CCDC178: variants seen among roughly 807,000 people sequenced by gnomAD.
CCDC178 encodes coiled-coil domain-containing protein 178.
Under a neutral mutation model 117.4 loss-of-function variants are expected in CCDC178, and 126 were observed. That is an observed-to-expected ratio of 1.07 (90% confidence interval 0.93 to 1.24). CCDC178 has a LOEUF of 1.24. CCDC178 is among the 50% of genes most tolerant of loss of function. The probability of loss-of-function intolerance (pLI) is 0.00; values close to 1 mark genes in which losing one functional copy is unlikely to be tolerated. For synonymous variants in CCDC178, 283 were observed against 313.4 expected (o/e 0.90, Z 1.02); for missense variants, 1,030 against 986.9 (o/e 1.04, Z -0.59).
rs1338601058 is a variant in CCDC178 at position 33,224,749 on chromosome 18, A to G, written c.1818+26T>C. The G allele has an allele frequency of 2.2e-6, 3 of 1,382,528 alleles. No individual in the cohort carries two copies. In the South Asian group the frequency reaches 4.7e-5, roughly 22 times the overall value. The allele number at this position is 1,382,528 out of a possible 1,614,324, so 85.6% of individuals were successfully genotyped here. On this transcript the variant is annotated intron_variant, in intron 17 of 22. Transcript: ENST00000383096. ...ACTAACGTATATATTTCTGCACATT[A>G]ATTTTTGGATTAATTAAATGCTTAC...
intron 10 of CCDC178, among the ~76,000 whole-genome samples, chr18:33,331,497 C>T (rs937258362): frequency 6.6e-6 from 1 of 151,922 alleles, no homozygotes; most frequent in Non-Finnish European, 1.5e-5. Context: ...TTCTAAACTT[C>T]CAGCAACCTA....
chr18:32,986,756 T>A (rs1325219983), intron 21 of CCDC178, among the ~76,000 whole-genome samples: 1 of 152,028 alleles, frequency 6.6e-6, no homozygotes, highest in African/African-American at 2.4e-5. Flanking sequence ...GCAATGCTAA[T>A]AAAATTATAA....
chr18:32,990,245 A>T (rs1297333878), intron 21 of CCDC178, among the ~76,000 whole-genome samples: 4 of 152,138 alleles, frequency 2.6e-5, no homozygotes, highest in Non-Finnish European at 5.9e-5. Flanking sequence ...CACTTTAGGG[A>T]ACTTAGGAAA....
intron 20 of CCDC178, among the ~76,000 whole-genome samples, chr18:33,139,026 G>A (rs990569151): frequency 2.6e-5 from 4 of 151,876 alleles, no homozygotes; most frequent in Admixed American, 2.6e-4. Flanking sequence ...CTCAGTGGGA[G>A]GTAATTGAAT....
At chr18:32,973,532 T>C (rs1008611041) in intron 22 of CCDC178, among the ~76,000 whole-genome samples, 5 of 152,078 alleles carry the variant, frequency 3.3e-5, no homozygotes, top group African/African-American at 1.2e-4. Flanking sequence ...TTAAATTTTT[T>C]CTTATAACCC....
chr18:33,056,182 T>C (rs1338793769), intron 21 of CCDC178, among the ~76,000 whole-genome samples: 1 of 152,154 alleles, frequency 6.6e-6, no homozygotes, highest in Non-Finnish European at 1.5e-5. Context: ...CTACATGTGA[T>C]TGAAATGTCA....
intron 7 of CCDC178, 66 bp from the exon 8 acceptor site, chr18:33,349,041 A>G: frequency 1.1e-6 from 1 of 902,778 alleles, no homozygotes; most frequent in Non-Finnish European, 1.7e-6. Context: ...ATTTTAGGTT[A>G]TGCTCTTCTA....
chr18:33,195,127 AAGAGAG>A (rs537974531), intron 20 of CCDC178, among the ~76,000 whole-genome samples: 2 of 143,134 alleles, frequency 1.4e-5, no homozygotes, highest in African/African-American at 2.8e-5. Context: ...TTAAAAAAAA[AAGAGAG>A]AGAGAGAGAG....
chr18:33,215,998 T>C (rs942796160), intron 18 of CCDC178, among the ~76,000 whole-genome samples: 1 of 151,902 alleles, frequency 6.6e-6, no homozygotes, highest in Non-Finnish European at 1.5e-5. Context: ...CTTGGGAGGC[T>C]GAGGTGGGAG....
intron 21 of CCDC178, among the ~76,000 whole-genome samples, chr18:32,993,659 G>T (rs1324864754): frequency 6.6e-6 from 1 of 152,138 alleles, no homozygotes; most frequent in Non-Finnish European, 1.5e-5. Flanking sequence ...CACAGATAGG[G>T]ATTAGTTTAT....
chr18:33,078,589 G>T (rs927159541), intron 21 of CCDC178, among the ~76,000 whole-genome samples: 2 of 152,046 alleles, frequency 1.3e-5, no homozygotes, highest in African/African-American at 4.8e-5. Flanking sequence ...AACATTTCAG[G>T]ATTAAAAATA....
In CCDC178 at chr18:33,154,738, A is replaced by C. The variant is rs181736914; in HGVS notation, c.2238+57158T>G. The stretch of plus-strand genomic sequence containing the variant: ...TACCATGCAGATGTCAGTGTAAAGA[A>C]TTCAATGTGTTTCTAAAATATCAGA... On this transcript the variant is annotated intron_variant, in intron 20 of 22. Transcript: ENST00000383096. Among the ~76,000 whole-genome samples the C allele has an allele frequency of 4.9e-3, 749 of 152,290 alleles. 3 individuals are homozygous for C. Among genetic ancestry groups the C allele is most frequent in the Middle Eastern group, 0.024 (7 of 294 alleles).
intron 20 of CCDC178, among the ~76,000 whole-genome samples, chr18:33,119,982 C>A (rs1267194316): frequency 2.0e-5 from 3 of 150,858 alleles, no homozygotes; most frequent in African/African-American, 7.3e-5. Flanking sequence ...GGGAACTGAA[C>A]AATGAGAACA....
At chr18:33,283,646 A>G (rs193205317) in intron 12 of CCDC178, among the ~76,000 whole-genome samples, 10 of 152,334 alleles carry the variant, frequency 6.6e-5, no homozygotes, top group Admixed American at 3.3e-4. Context: ...GTCTAAGCAT[A>G]TGAAAAAAAA....
At chr18:33,073,068 G>A (rs2057137780) in intron 21 of CCDC178, among the ~76,000 whole-genome samples, 1 of 151,746 alleles carries the variant, frequency 6.6e-6, no homozygotes, top group African/African-American at 2.4e-5. Flanking sequence ...TTATTTCTCA[G>A]TGCTCACTTC....
chr18:33,055,739 A>C (rs61117667), intron 21 of CCDC178, among the ~76,000 whole-genome samples: 3,955 of 152,168 alleles, frequency 0.026, 83 homozygotes, highest in East Asian at 0.1. Flanking sequence ...ATTATCTTCA[A>C]TTCTTTCTAC....
At chr18:33,284,351 G>T (rs1159541853) in intron 12 of CCDC178, among the ~76,000 whole-genome samples, 2 of 151,906 alleles carry the variant, frequency 1.3e-5, no homozygotes, top group Non-Finnish European at 2.9e-5. Context: ...ATGACATAAG[G>T]TTACCTATGT....
At chr18:32,990,401 A>G (rs994347389) in intron 21 of CCDC178, among the ~76,000 whole-genome samples, 1 of 152,136 alleles carries the variant, frequency 6.6e-6, no homozygotes, top group African/African-American at 2.4e-5. Flanking sequence ...TGGTATAAGA[A>G]TAGACGTAGT....
intron 22 of CCDC178, among the ~76,000 whole-genome samples, chr18:32,944,229 G>A (rs536297698): frequency 8.5e-5 from 13 of 152,328 alleles, no homozygotes; most frequent in Admixed American, 2.0e-4. Context: ...CTTCTGGCTG[G>A]AAGTTTAGGG....
Sources: allele counts gnomAD v4.1 joint callset (sites outside exome capture counted in the v4.1 genomes callset), GRCh38; gene constraint gnomAD v4.1.1; transcripts MANE v1.5; gene names NCBI Gene and HGNC (gene_info 2026-07-23, HGNC 2026-07-21).